KCNIP4: variants seen among roughly 807,000 people sequenced by gnomAD.
The protein encoded by KCNIP4 is Kv channel-interacting protein 4.
KCNIP4 carries 12 observed loss-of-function variants against 34.0 expected under a neutral mutation model. The observed-to-expected ratio is 0.35, with a 90% CI of 0.23 to 0.57. The LOEUF (loss-of-function observed/expected upper bound fraction) is 0.57, where lower values mean the gene tolerates loss of function less well. KCNIP4 is among the 20% of genes least tolerant of loss of function. The pLI is 0.83. For synonymous variants in KCNIP4, 124 were observed against 102.2 expected (o/e 1.21, Z -1.29); for missense variants, 238 against 311.7 (o/e 0.76, Z 1.78).
In KCNIP4 at chr4:20,749,155, C is replaced by CTCA. The variant is rs751106874; in HGVS notation, c.429+506_429+507insTGA. Among the ~76,000 whole-genome samples the CTCA allele has an allele frequency of 7.8e-5, 10 of 129,008 alleles. 1 individual carries two copies. The highest frequency in any genetic ancestry group is 2.2e-4 in the African/African-American group (8 of 36,416). The allele number at this position is 129,008 out of a possible 152,430, so 84.6% of individuals were successfully genotyped here. A position where few individuals can be genotyped will look rare whatever the true frequency, so the allele number is the denominator to read the frequency against. On this transcript the variant is annotated intron_variant, in intron 5 of 8. Coordinates refer to ENST00000382152, the MANE Select transcript of KCNIP4 (RefSeq NM_025221.6). ...CCTTTATGACAGAGCGAGACTCTTT[C>CTCA]AAAAAAAAAAAAAAAAATACGTTCT...
chr4:21,295,214 G>A (rs1007526367), intron 1 of KCNIP4, among the ~76,000 whole-genome samples: 9 of 152,084 alleles, frequency 5.9e-5, no homozygotes, highest in African/African-American at 1.4e-4. Flanking sequence ...TTTGGCTTGC[G>A]CTCACACGAA....
intron 1 of KCNIP4, among the ~76,000 whole-genome samples, chr4:21,669,955 C>T (rs1749346076): frequency 6.6e-6 from 1 of 152,008 alleles, no homozygotes; most frequent in African/African-American, 2.4e-5. Context: ...ATACCTATAC[C>T]TTGGGAGACG....
intron 1 of KCNIP4, among the ~76,000 whole-genome samples, chr4:20,982,972 T>C (rs933809118): frequency 6.6e-6 from 1 of 152,244 alleles, no homozygotes; most frequent in Admixed American, 6.5e-5. Flanking sequence ...GCATGTAGAA[T>C]TGATATCAAA....
At chr4:21,202,117 T>A (rs1331283472) in intron 1 of KCNIP4, among the ~76,000 whole-genome samples, 2 of 152,170 alleles carry the variant, frequency 1.3e-5, no homozygotes, top group Non-Finnish European at 2.9e-5. Flanking sequence ...CATTACTGGA[T>A]ATATACCCAA....
At chr4:21,874,696 G>A (rs940342285) in intron 1 of KCNIP4, among the ~76,000 whole-genome samples, 5 of 152,108 alleles carry the variant, frequency 3.3e-5, no homozygotes, top group African/African-American at 1.2e-4. Flanking sequence ...CCACAAATTG[G>A]TAAATTGTTC....
intron 1 of KCNIP4, among the ~76,000 whole-genome samples, chr4:21,537,965 T>C (rs1258855025): frequency 1.5e-5 from 2 of 134,636 alleles, no homozygotes; most frequent in African/African-American, 2.9e-5. Context: ...TAAGCCGAGA[T>C]TGCACCACTG....
At chr4:21,667,944 T>C (rs550408522) in intron 1 of KCNIP4, among the ~76,000 whole-genome samples, 2 of 152,326 alleles carry the variant, frequency 1.3e-5, no homozygotes, top group South Asian at 4.1e-4. Context: ...ACTTGATAGA[T>C]AGATCACACT....
At chr4:21,739,761 C>T (rs1438264419) in intron 1 of KCNIP4, among the ~76,000 whole-genome samples, 1 of 152,052 alleles carries the variant, frequency 6.6e-6, no homozygotes. Flanking sequence ...TGAATAGCTC[C>T]TTTGAAGTAC....
chr4:21,401,613 A>T (rs1451237443), intron 1 of KCNIP4, among the ~76,000 whole-genome samples: 1 of 152,226 alleles, frequency 6.6e-6, no homozygotes, highest in African/African-American at 2.4e-5. Context: ...AAACACTTGG[A>T]CTGATTTGCT....
At chr4:21,765,149 G>C (rs1164656481) in intron 1 of KCNIP4, among the ~76,000 whole-genome samples, 1 of 127,616 alleles carries the variant, frequency 7.8e-6, no homozygotes, top group African/African-American at 3.3e-5. Context: ...GTTTTATTAT[G>C]AAGAGAACCT....
At chr4:21,071,040 T>C (rs1744867446) in intron 1 of KCNIP4, among the ~76,000 whole-genome samples, 1 of 152,066 alleles carries the variant, frequency 6.6e-6, no homozygotes, top group Non-Finnish European at 1.5e-5. Context: ...TTTATCAATA[T>C]CTTCTCCCAG....
intron 1 of KCNIP4, among the ~76,000 whole-genome samples, chr4:21,070,730 C>G (rs1472301763): frequency 8.8e-6 from 1 of 113,000 alleles, no homozygotes; most frequent in Non-Finnish European, 1.6e-5. Context: ...GGCTGGAGTG[C>G]GGTGGTGCAA....
At chr4:21,430,134 C>T (rs997395864) in intron 1 of KCNIP4, among the ~76,000 whole-genome samples, 5 of 152,026 alleles carry the variant, frequency 3.3e-5, no homozygotes, top group Admixed American at 2.0e-4. Flanking sequence ...TTTTATCAGG[C>T]TTGTGTTTTT....
intron 1 of KCNIP4, among the ~76,000 whole-genome samples, chr4:21,483,916 T>C (rs1577440367): frequency 6.6e-6 from 1 of 152,146 alleles, no homozygotes; most frequent in African/African-American, 2.4e-5. Context: ...TCCACCATGA[T>C]TGAAAGTTTC....
intron 1 of KCNIP4, among the ~76,000 whole-genome samples, chr4:21,738,267 GT>G (rs1469173671): frequency 6.6e-6 from 1 of 151,986 alleles, no homozygotes; most frequent in Non-Finnish European, 1.5e-5. Flanking sequence ...AAATCCCACA[GT>G]AAAATGTTCA....
intron 1 of KCNIP4, among the ~76,000 whole-genome samples, chr4:21,794,279 AAAAAG>A (rs1213437171): frequency 6.6e-6 from 1 of 152,254 alleles, no homozygotes; most frequent in Non-Finnish European, 1.5e-5. Context: ...TAATTTAAAA[AAAAAG>A]AAAAGAAAAT....
chr4:21,408,577 T>G (rs1376313863), intron 1 of KCNIP4, among the ~76,000 whole-genome samples: 4 of 152,198 alleles, frequency 2.6e-5, no homozygotes, highest in African/African-American at 4.8e-5. Context: ...GCAAAGTAAT[T>G]GTTTTCAGTG....
intron 1 of KCNIP4, among the ~76,000 whole-genome samples, chr4:21,361,553 A>C (rs778530811): frequency 1.3e-5 from 2 of 152,076 alleles, no homozygotes; most frequent in Non-Finnish European, 2.9e-5. Context: ...AATCCTGCTA[A>C]AGTTTACTTT....
intron 3 of KCNIP4, among the ~76,000 whole-genome samples, chr4:20,825,312 G>C (rs1306979461): frequency 1.4e-5 from 2 of 140,478 alleles, no homozygotes; most frequent in East Asian, 4.4e-4. Context: ...GAGACAATTA[G>C]AACATTCCTA....
Sources: gnomAD v4.1 joint callset for allele counts (sites outside exome capture counted in the v4.1 genomes callset) on GRCh38, gnomAD v4.1.1 for gene constraint, MANE v1.5 for transcripts, NCBI Gene and HGNC (gene_info 2026-07-23, HGNC 2026-07-21) for gene names.